Variants in CLNK observed in about 807,000 individuals in gnomAD.
CLNK encodes the protein cytokine dependent hematopoietic cell linker.
In CLNK, 74 loss-of-function variants were observed where a neutral mutation model predicts 68.6. The observed-to-expected ratio is 1.08, with a 90% CI of 0.89 to 1.31. CLNK has a LOEUF of 1.31. Ranked by LOEUF, CLNK falls within the 50% of genes most tolerant of loss-of-function variation. CLNK has a pLI of 0.00. For missense variants in CLNK, 553 were observed against 515.3 expected, an observed-to-expected ratio of 1.07 and a Z score of -0.71; for synonymous variants, 198 against 172.2, an observed-to-expected ratio of 1.15 and a Z score of -1.17.
chr4:10,655,371 A>AGAGAGAGAGAGAGAGG (rs2108885152), intron 2 of CLNK, among the ~76,000 whole-genome samples: 1 of 135,304 alleles, frequency 7.4e-6, no homozygotes, highest in Non-Finnish European at 1.7e-5. Context: ...AGAGAGAGAG[A>AGAGAGAGAGAGAGAGG]GAGAAAGCGA....
intron 3 of CLNK, among the ~76,000 whole-genome samples, chr4:10,592,250 A>C (rs559675141): frequency 1.3e-5 from 2 of 152,338 alleles, no homozygotes; most frequent in Admixed American, 6.5e-5. Context: ...TGTCTATATA[A>C]GCTATAGTCC....
chr4:10,679,218 T>C (rs1577216417), intron 1 of CLNK, among the ~76,000 whole-genome samples: 1 of 152,166 alleles, frequency 6.6e-6, no homozygotes, highest in East Asian at 1.9e-4. Context: ...GCCACATATC[T>C]ACAACTATCT....
chr4:10,575,991 C>T (rs1470603486), intron 4 of CLNK, among the ~76,000 whole-genome samples: 1 of 152,158 alleles, frequency 6.6e-6, no homozygotes, highest in Non-Finnish European at 1.5e-5. Flanking sequence ...GTACCTGCCT[C>T]CCCCCAGGCA....
intron 2 of CLNK, among the ~76,000 whole-genome samples, chr4:10,640,250 A>T (rs1192455547): frequency 6.6e-6 from 1 of 151,858 alleles, no homozygotes; most frequent in Admixed American, 6.6e-5. Flanking sequence ...CTGCAACCTC[A>T]GCCTCCTCAG....
intron 8 of CLNK, among the ~76,000 whole-genome samples, chr4:10,546,263 T>C (rs976310638): frequency 1.3e-5 from 2 of 152,212 alleles, no homozygotes; most frequent in Non-Finnish European, 2.9e-5. Flanking sequence ...TTCTGTAAAT[T>C]ATTTCTCTGC....
At chr4:10,603,670 C>T (rs1721677563) in intron 2 of CLNK, among the ~76,000 whole-genome samples, 1 of 152,210 alleles carries the variant, frequency 6.6e-6, no homozygotes. Context: ...GAGGCCTCAG[C>T]GGCCCCCACG....
At chr4:10,494,894 G>T (rs906220491) in intron 18 of CLNK, among the ~76,000 whole-genome samples, 12 of 152,090 alleles carry the variant, frequency 7.9e-5, no homozygotes, top group Non-Finnish European at 2.9e-5. Context: ...CCAATGTTAT[G>T]CTATTATTAG....
chr4:10,618,520 C>T (rs980493839), intron 2 of CLNK, among the ~76,000 whole-genome samples: 8 of 152,156 alleles, frequency 5.3e-5, no homozygotes, highest in African/African-American at 9.7e-5. Context: ...AATTATATGA[C>T]ATGTAAAATA....
intron 15 of CLNK, among the ~76,000 whole-genome samples, chr4:10,515,422 A>C (rs1000265442): frequency 6.6e-6 from 1 of 152,066 alleles, no homozygotes; most frequent in Non-Finnish European, 1.5e-5. Flanking sequence ...AAACATGACA[A>C]GTTCATTCTC....
chr4:10,676,604 A>G (rs1478629084), intron 1 of CLNK, among the ~76,000 whole-genome samples: 1 of 151,936 alleles, frequency 6.6e-6, no homozygotes, highest in African/African-American at 2.4e-5. Flanking sequence ...TTCTGAATTT[A>G]TTATTCCTGT....
chr4:10,720,447 G>A, the CLNK span, among the ~76,000 whole-genome samples: 5 of 151,860 alleles, frequency 3.3e-5, no homozygotes, highest in East Asian at 1.9e-4. Context: ...CAGATATTTC[G>A]GAAGAGGATA....
At chr4:10,648,022 A>G (rs1412239991) in intron 2 of CLNK, among the ~76,000 whole-genome samples, 2 of 152,176 alleles carry the variant, frequency 1.3e-5, no homozygotes, top group Admixed American at 6.5e-5. Flanking sequence ...GACCCTGAAG[A>G]TTCACCTTCT....
At chr4:10,534,223 G>A (rs1369543675) in intron 11 of CLNK, among the ~76,000 whole-genome samples, 1 of 152,114 alleles carries the variant, frequency 6.6e-6, no homozygotes, top group Non-Finnish European at 1.5e-5. Context: ...TTAATCAATG[G>A]AATTTTCACT....
intron 2 of CLNK, among the ~76,000 whole-genome samples, chr4:10,662,543 T>G (rs1307823242): frequency 6.6e-6 from 1 of 152,218 alleles, no homozygotes; most frequent in African/African-American, 2.4e-5. Context: ...CTTTCAGTAT[T>G]TCAAAGCCTT....
At position 10,570,256 on chromosome 4, in the gene CLNK, A is replaced by G. The variant is rs553530526; in HGVS notation, c.150+1485T>C. Among the ~76,000 whole-genome samples, 259 of 152,240 alleles carry G rather than the reference A, an allele frequency of 1.7e-3. 1 individual carries two copies. The highest frequency in any genetic ancestry group is 3.2e-3 in the Non-Finnish European group (221 of 68,018). On this transcript the variant is annotated intron_variant, in intron 5 of 18. Transcript: ENST00000226951. ...GATGTGAGCCTGAACCCATTTTCCA[A>G]CTTTCCACCCAATACCTTTGCTAGA...
intron 17 of CLNK, among the ~76,000 whole-genome samples, chr4:10,504,586 G>A (rs1370572842): frequency 6.6e-6 from 1 of 152,152 alleles, no homozygotes; most frequent in Non-Finnish European, 1.5e-5. Flanking sequence ...AAATACACAA[G>A]CCTCTGACTA....
At chr4:10,688,955 G>A (rs555646661), upstream of CLNK, among the ~76,000 whole-genome samples, 126 of 151,774 alleles carry the variant, frequency 8.3e-4, no homozygotes, top group African/African-American at 3.0e-3. Flanking sequence ...GTTTCCCCCC[G>A]AGAAACAGAT....
chr4:10,550,503 T>A (rs1338214848), intron 8 of CLNK, among the ~76,000 whole-genome samples: 1 of 151,914 alleles, frequency 6.6e-6, no homozygotes, highest in African/African-American at 2.4e-5. Context: ...TCAAAAAAAA[T>A]AAATAAATAA....
the CLNK span, among the ~76,000 whole-genome samples, chr4:10,714,515 A>G: frequency 6.6e-6 from 1 of 152,236 alleles, no homozygotes; most frequent in Non-Finnish European, 1.5e-5. Context: ...ATACTTAGGT[A>G]TATAGTGTTC....
Sources: gnomAD v4.1 joint callset for allele counts (sites outside exome capture counted in the v4.1 genomes callset) on GRCh38, gnomAD v4.1.1 for gene constraint, MANE v1.5 for transcripts, NCBI Gene and HGNC (gene_info 2026-07-23, HGNC 2026-07-21) for gene names.